DCHS2: variants seen among roughly 807,000 people sequenced by gnomAD.
DCHS2 encodes the protein dachsous cadherin-related 2.
Under a neutral mutation model 182.4 loss-of-function variants are expected in DCHS2, and 142 were observed. That is an observed-to-expected ratio of 0.78 (90% CI 0.68 to 0.89). The LOEUF is 0.89. Ranked by LOEUF, DCHS2 falls within the 40% of genes least tolerant of loss-of-function variation. The pLI is 0.00. For synonymous variants in DCHS2, 1,740 were observed against 1,663.3 expected (o/e 1.05, Z -1.12); for missense variants, 4,319 against 4,198.6 (o/e 1.03, Z -0.79).
At chr4:154,311,686 C>T (rs527729230) in intron 10 of DCHS2, among the ~76,000 whole-genome samples, 1 of 152,210 alleles carries the variant, frequency 6.6e-6, no homozygotes, top group African/African-American at 2.4e-5. Context: ...AAGCTTATGT[C>T]ATACATGCTT....
At chr4:154,448,104 T>C (rs1560764784) in intron 1 of DCHS2, among the ~76,000 whole-genome samples, 1 of 152,148 alleles carries the variant, frequency 6.6e-6, no homozygotes, top group Non-Finnish European at 1.5e-5. Flanking sequence ...CTGAGGCTGC[T>C]TTCCCTCCCT....
intron 17 of DCHS2, 109 bp downstream of exon 17, chr4:154,242,533 T>C: frequency 1.4e-6 from 2 of 1,395,584 alleles, no homozygotes; most frequent in Non-Finnish European, 9.4e-7. Context: ...TCTAGTTTGC[T>C]TGGTTGTTGA....
At position 154,332,755 on chromosome 4, in the gene DCHS2, T is replaced by G; in HGVS notation, c.3453A>C (p.Glu1151Asp). The G allele has an allele frequency of 6.2e-7, 1 of 1,614,208 alleles. No homozygotes were observed. Among genetic ancestry groups the G allele is most frequent in the South Asian group, 1.1e-5 (1 of 91,092 alleles). Residue 1151 changes from glutamate to aspartate, a missense_variant, in exon 5 of 20, where the codon GAA becomes GAC. Transcript: ENST00000357232. ...CTCTAAAATTATATGTTTGGGTGGA[T>G]TCATAGTCAAACTGTCGCCGCAAAT... ...WIYLRRQFDYESTQTYNFRVF... is the reference protein window; with the variant it reads ...WIYLRRQFDYDSTQTYNFRVF...
intron 3 of DCHS2, among the ~76,000 whole-genome samples, chr4:154,359,013 C>G (rs183721294): frequency 6.6e-6 from 1 of 151,814 alleles, no homozygotes; most frequent in Admixed American, 6.6e-5. Context: ...ATATATTGGT[C>G]AGAGTAAAAT....
rs1438595477 is a variant in DCHS2 at position 154,489,915 on chromosome 4, G to A, written c.1441C>T (p.Leu481=). 6.5e-7 allele frequency: 1 copy of A among 1,537,402 alleles called. No homozygotes were observed. The change falls in exon 1 of 20, where the codon CTA becomes TTA. Residue 481 remains leucine, a synonymous_variant. Transcript: ENST00000357232. ...AATACCCCTGGGGGGCCGCCGGGTAGCAACGCGAAGTCTCCCTCTCCGCCT... is the reference window on the plus strand; with the variant it reads ...AATACCCCTGGGGGGCCGCCGGGTAACAACGCGAAGTCTCCCTCTCCGCCT... The part of the protein sequence containing the change: ...LEGGEGDFAL[L]PGGPPGVFFL...
chr4:154,371,720 G>C (rs113280523), intron 2 of DCHS2, among the ~76,000 whole-genome samples: 3 of 152,072 alleles, frequency 2.0e-5, no homozygotes, highest in Admixed American at 6.6e-5. Flanking sequence ...AGAAGGCAAA[G>C]GGGGAGCAAG....
chr4:154,367,856 G>C (rs1274612585), intron 2 of DCHS2, among the ~76,000 whole-genome samples: 1 of 152,146 alleles, frequency 6.6e-6, no homozygotes, highest in Non-Finnish European at 1.5e-5. Context: ...GACAGGGAGA[G>C]AGGGAGGGCA....
At chr4:154,321,847 T>C (rs1736072318) in intron 8 of DCHS2, among the ~76,000 whole-genome samples, 1 of 152,146 alleles carries the variant, frequency 6.6e-6, no homozygotes, top group Admixed American at 6.6e-5. Context: ...ATTTTTTTCT[T>C]ACTATGGAGA....
intron 1 of DCHS2, among the ~76,000 whole-genome samples, chr4:154,418,027 C>T (rs1242659006): frequency 2.0e-5 from 3 of 152,138 alleles, no homozygotes; most frequent in Non-Finnish European, 4.4e-5. Flanking sequence ...ATGACCTACC[C>T]ATTCTTAGTT....
intron 1 of DCHS2, among the ~76,000 whole-genome samples, chr4:154,416,957 T>C (rs545005298): frequency 6.6e-6 from 1 of 152,186 alleles, no homozygotes; most frequent in African/African-American, 2.4e-5. Context: ...CCGGCCTCTG[T>C]CTGTCCCCGT....
chr4:154,360,376 C>A (rs144235076), intron 3 of DCHS2, among the ~76,000 whole-genome samples: 135 of 152,156 alleles, frequency 8.9e-4, no homozygotes, highest in African/African-American at 3.1e-3. Flanking sequence ...TTCTTTCCAT[C>A]TTTATAAGTC....
chr4:154,418,087 T>C (rs2110908167), intron 1 of DCHS2, among the ~76,000 whole-genome samples: 1 of 152,342 alleles, frequency 6.6e-6, no homozygotes, highest in African/African-American at 2.4e-5. Context: ...GTAACATTTA[T>C]ATTATATGGT....
intron 1 of DCHS2, among the ~76,000 whole-genome samples, chr4:154,465,512 T>C (rs540074674): frequency 1.8e-4 from 27 of 152,082 alleles, no homozygotes; most frequent in East Asian, 1.7e-3. Flanking sequence ...CTACTAAAAA[T>C]GCAAAAATTA....
rs150727795 is a variant in DCHS2, at chr4:154,445,037, A to G, written c.2052+44267T>C. Reference sequence around the variant, plus strand: ...TGGACCAATGGTTACCTCTTTAGACAGGCCTTCCTGACCACCTTATCTGAA... The same window carrying G: ...TGGACCAATGGTTACCTCTTTAGACGGGCCTTCCTGACCACCTTATCTGAA... On this transcript the variant is annotated intron_variant, in intron 1 of 19. Coordinates refer to ENST00000357232, the MANE Select transcript of DCHS2 (RefSeq NM_001358235.2). Among the ~76,000 whole-genome samples the G allele has an allele frequency of 3.2e-4, 49 of 152,294 alleles. No individual in the cohort carries two copies. In the East Asian group the frequency reaches 8.3e-3, roughly 26 times the overall value.
intron 14 of DCHS2, among the ~76,000 whole-genome samples, chr4:154,263,437 T>A (rs1415268119): frequency 6.6e-6 from 1 of 151,938 alleles, no homozygotes; most frequent in Non-Finnish European, 1.5e-5. Context: ...TTGGTACAGT[T>A]GTAAGAATTC....
intron 1 of DCHS2, among the ~76,000 whole-genome samples, chr4:154,420,953 C>T (rs1011942032): frequency 2.0e-5 from 3 of 152,062 alleles, no homozygotes; most frequent in African/African-American, 7.2e-5. Context: ...ATTACTAGTG[C>T]CTACTTGTAA....
intron 10 of DCHS2, among the ~76,000 whole-genome samples, chr4:154,308,320 G>T (rs1488635645): frequency 6.6e-6 from 1 of 151,814 alleles, no homozygotes; most frequent in African/African-American, 2.4e-5. Flanking sequence ...GAAGAGAGAA[G>T]TAAAAAATAA....
rs1323078493 is a variant in DCHS2, at chr4:154,332,988, C to G, written c.3220G>C (p.Glu1074Gln). The G allele has an allele frequency of 1.2e-6, 2 of 1,614,218 alleles. No homozygotes were observed. The highest frequency in any genetic ancestry group is 2.2e-5 in the East Asian group (1 of 44,862). ...CAGGATGGGCTGTGTTCGCGTTTCT[C>G]GATAACGACTGTCAGCACCAGCAGG... ...AALLVLTVVIEKREHSPSWTF... is the reference protein window; with the variant it reads ...AALLVLTVVIQKREHSPSWTF... The change falls in exon 5 of 20, where the codon GAG (glutamate) becomes CAG (glutamine). Residue 1074 changes from glutamate to glutamine, a missense_variant. Physicochemically the swap from Glu to Gln is conservative, Grantham distance 29. Coordinates refer to ENST00000357232, the MANE Select transcript of DCHS2 (RefSeq NM_001358235.2).
chr4:154,270,479 C>G (rs148512881), intron 13 of DCHS2, among the ~76,000 whole-genome samples: 5 of 151,594 alleles, frequency 3.3e-5, no homozygotes, highest in African/African-American at 1.2e-4. Flanking sequence ...TAGGAAAGGG[C>G]TTGGTTGGGT....
Sources: allele counts gnomAD v4.1 joint callset (sites outside exome capture counted in the v4.1 genomes callset), GRCh38; gene constraint gnomAD v4.1.1; transcripts MANE v1.5; gene names NCBI Gene and HGNC (gene_info 2026-07-23, HGNC 2026-07-21).